SSH2: variants seen among roughly 807,000 people sequenced by gnomAD.
SSH2 encodes the protein slingshot protein phosphatase 2.
SSH2 carries 37 observed loss-of-function variants against 135.2 expected under a neutral mutation model. That is an observed-to-expected ratio of 0.27 (90% CI 0.21 to 0.36). SSH2 has a LOEUF of 0.36. Ranked by LOEUF, SSH2 falls within the 10% of genes least tolerant of loss-of-function variation. The pLI is 1.00. For synonymous variants in SSH2, 628 were observed against 646.2 expected (o/e 0.97, Z 0.43); for missense variants, 1,408 against 1,765.3 (o/e 0.80, Z 3.63).
intron 3 of SSH2, among the ~76,000 whole-genome samples, chr17:29,758,874 G>A (rs1432684021): frequency 6.6e-6 from 1 of 151,092 alleles, no homozygotes; most frequent in Non-Finnish European, 1.5e-5. Flanking sequence ...TCAGCCTCCT[G>A]AGTAGCTGGG....
At chr17:29,840,122 C>T (rs1014756461) in intron 2 of SSH2, among the ~76,000 whole-genome samples, 5 of 152,142 alleles carry the variant, frequency 3.3e-5, no homozygotes, top group African/African-American at 1.2e-4. Context: ...TCCTGTTTTG[C>T]TTGCTCTCCC....
At chr17:29,685,611 C>T (rs1367382227) in intron 5 of SSH2, among the ~76,000 whole-genome samples, 1 of 151,902 alleles carries the variant, frequency 6.6e-6, no homozygotes, top group Non-Finnish European at 1.5e-5. Flanking sequence ...CATGGTGAAA[C>T]ACTGTTTCTA....
In SSH2 at chr17:29,629,867, T is replaced by C. The variant is rs1344210179; in HGVS notation, c.*974A>G. ...AAGGAAAATAAACTGGAAGAAAATA[T>C]GGCCATTAAACTCAGAAGGCCCAAA... On this transcript the variant is annotated 3_prime_UTR_variant, in exon 16 of 16. Transcript: ENST00000540801. The C allele has an allele frequency of 1.3e-5, 2 of 152,626 alleles. No homozygotes were observed. The highest frequency in any genetic ancestry group is 2.1e-4 in the South Asian group (1 of 4,834). 9.5% of individuals were successfully genotyped at this position (152,626 alleles called of 1,614,324 possible).
At chr17:29,803,914 G>A (rs918406977) in intron 2 of SSH2, among the ~76,000 whole-genome samples, 5 of 152,144 alleles carry the variant, frequency 3.3e-5, no homozygotes, top group African/African-American at 1.2e-4. Context: ...TGCAAGCATG[G>A]CAGTAAAGAC....
chr17:29,741,037 T>C (rs940132752), intron 3 of SSH2, among the ~76,000 whole-genome samples: 2 of 152,244 alleles, frequency 1.3e-5, no homozygotes, highest in Admixed American at 1.3e-4. Flanking sequence ...TATTATTTCA[T>C]CTTTCCATTA....
chr17:29,868,859 T>G (rs1239046107), intron 1 of SSH2, among the ~76,000 whole-genome samples: 1 of 152,106 alleles, frequency 6.6e-6, no homozygotes, highest in Non-Finnish European at 1.5e-5. Context: ...ATTGGCAGAC[T>G]TTTCAGTCCC....
chr17:29,809,222 C>T (rs1219842239), intron 2 of SSH2, among the ~76,000 whole-genome samples: 1 of 152,204 alleles, frequency 6.6e-6, no homozygotes, highest in African/African-American at 2.4e-5. Context: ...CCACTGCACT[C>T]CAGCCTGGGC....
chr17:29,730,475 A>C (rs2040145442), intron 3 of SSH2, among the ~76,000 whole-genome samples: 1 of 148,482 alleles, frequency 6.7e-6, no homozygotes. Flanking sequence ...TTACTCTGTC[A>C]CCCAGGCTGG....
At chr17:29,918,008 C>T (rs2066913434) in intron 1 of SSH2, among the ~76,000 whole-genome samples, 1 of 151,872 alleles carries the variant, frequency 6.6e-6, no homozygotes, top group South Asian at 2.1e-4. Flanking sequence ...AGTGAGATCC[C>T]CATCTCTACA....
chr17:29,764,247 G>T (rs375212359), intron 3 of SSH2, among the ~76,000 whole-genome samples: 1 of 152,086 alleles, frequency 6.6e-6, no homozygotes, highest in Non-Finnish European at 1.5e-5. Flanking sequence ...CACTGCACCC[G>T]GCCTGTCTCT....
At chr17:29,723,176 T>C (rs768984428) in intron 3 of SSH2, among the ~76,000 whole-genome samples, 1 of 152,102 alleles carries the variant, frequency 6.6e-6, no homozygotes, top group Non-Finnish European at 1.5e-5. Context: ...ATATACTGTA[T>C]AAAAATCTGG....
At chr17:29,636,829 C>A (rs769299925) in intron 14 of SSH2, 27 bp from the exon 15 acceptor site, 1 of 1,496,494 alleles carries the variant, frequency 6.7e-7, no homozygotes, top group South Asian at 1.2e-5. Flanking sequence ...CAGGAAGTAT[C>A]TTAATCTGGT....
intron 1 of SSH2, among the ~76,000 whole-genome samples, chr17:29,893,624 T>C (rs1599153543): frequency 6.6e-6 from 1 of 152,270 alleles, no homozygotes; most frequent in East Asian, 1.9e-4. Context: ...ATTTCTATTA[T>C]TTATAAATTA....
At chr17:29,635,203 G>A (rs1446956838) in intron 15 of SSH2, among the ~76,000 whole-genome samples, 3 of 151,062 alleles carry the variant, frequency 2.0e-5, no homozygotes, top group Non-Finnish European at 4.4e-5. Flanking sequence ...CGCCCGGCCA[G>A]CACATTATTA....
chr17:29,801,710 T>A (rs1302595168), intron 2 of SSH2, among the ~76,000 whole-genome samples: 1 of 152,244 alleles, frequency 6.6e-6, no homozygotes, highest in Non-Finnish European at 1.5e-5. Context: ...GGGCAGGAAC[T>A]ATGCCTCATT....
chr17:29,701,553 G>A (rs958060889), intron 4 of SSH2, among the ~76,000 whole-genome samples: 1 of 151,602 alleles, frequency 6.6e-6, no homozygotes, highest in Admixed American at 6.6e-5. Flanking sequence ...AGGACCACAG[G>A]TGTACACCAC....
At chr17:29,856,620 A>G (rs1489514751) in intron 1 of SSH2, among the ~76,000 whole-genome samples, 1 of 152,212 alleles carries the variant, frequency 6.6e-6, no homozygotes, top group Admixed American at 6.5e-5. Context: ...CAATTATTTT[A>G]GTATGTAACA....
At chr17:29,784,065 CAAAAAAAAAAAAAAAA>C (rs71138857) in intron 3 of SSH2, among the ~76,000 whole-genome samples, 2 of 8,230 alleles carry the variant, frequency 2.4e-4, no homozygotes, top group African/African-American at 7.8e-4. Flanking sequence ...GACTCCGTCT[CAAAAAAAAAAAAAAAA>C]AAAAAAAAAA....
chr17:29,849,296 A>G (rs4795523), intron 1 of SSH2, among the ~76,000 whole-genome samples: 78,690 of 151,664 alleles, frequency 0.52, 20,727 homozygotes, highest in East Asian at 0.69. Context: ...CAGCTAACAC[A>G]GTGAAACCTG....
Sources: gnomAD v4.1 joint callset for allele counts (sites outside exome capture counted in the v4.1 genomes callset) on GRCh38, gnomAD v4.1.1 for gene constraint, MANE v1.5 for transcripts, NCBI Gene and HGNC (gene_info 2026-07-23, HGNC 2026-07-21) for gene names.